Variants in ENAM observed in about 807,000 individuals in gnomAD.
The protein encoded by ENAM is enamelin.
Under a neutral mutation model 33.6 loss-of-function variants are expected in ENAM, and 21 were observed. The ratio of observed to expected loss-of-function variants is 0.63; its 90% confidence interval spans 0.44 to 0.90. The LOEUF is 0.90. ENAM is among the 40% of genes least tolerant of loss of function. The pLI is 0.00. For synonymous variants in ENAM, 473 were observed against 468.4 expected, an observed-to-expected ratio of 1.01 and a Z score of -0.13; for missense variants, 1,388 against 1,366.9, an observed-to-expected ratio of 1.02 and a Z score of -0.24.
chr4:70,642,463 A>C lies in ENAM; in HGVS notation c.1037A>C (p.Asn346Thr). The C allele has an allele frequency of 6.2e-7, 1 of 1,614,160 alleles. No individual in the cohort carries two copies. The highest frequency in any genetic ancestry group is 1.1e-5 in the South Asian group (1 of 91,070). Reference sequence around the variant, plus strand: ...GGTACTGTCATGGGGCACAGACAGAATAGGCCTTTTTACAGAAATCAACAA... The same window carrying C: ...GGTACTGTCATGGGGCACAGACAGACTAGGCCTTTTTACAGAAATCAACAA... Reference protein sequence around the residue: ...FTGTVMGHRQNRPFYRNQQVQ... With the variant: ...FTGTVMGHRQTRPFYRNQQVQ... Residue 346 changes from asparagine (N) to threonine (T), a missense_variant, in exon 9 of 9, where the codon AAT becomes ACT. Transcript: ENST00000396073.
intron 8 of ENAM, among the ~76,000 whole-genome samples, chr4:70,638,139 C>T (rs988357651): frequency 2.6e-5 from 4 of 151,948 alleles, no homozygotes; most frequent in Admixed American, 1.3e-4. Context: ...AAATTGAAGC[C>T]AAGAAAAGAT....
rs757415254 is a variant in ENAM, at chr4:70,643,664, C to T, written c.2238C>T (p.Tyr746=). 2.3e-5 allele frequency: 37 copies of T among 1,614,132 alleles called. No individual in the cohort carries two copies. In the South Asian group the frequency reaches 4.0e-4, roughly 17 times the overall value. The change falls in exon 9 of 9, where the codon TAC becomes TAT. Residue 746 remains tyrosine (Y), a synonymous_variant. Coordinates refer to ENST00000396073, the MANE Select transcript of ENAM (RefSeq NM_031889.3). The part of the protein sequence containing the change: ...TMPPPIESRG[Y]YVNNAAGPEE... ...CACCACCTATAGAGAGCAGGGGCTA[C>T]TACGTTAATAATGCCGCTGGACCAG...
chr4:70,633,516 A>G (rs1027323692), intron 5 of ENAM, among the ~76,000 whole-genome samples: 1 of 152,152 alleles, frequency 6.6e-6, no homozygotes, highest in African/African-American at 2.4e-5. Context: ...AATTTCATCA[A>G]TCCACAAAGC....
At chr4:70,629,582 T>G in intron 2 of ENAM, 28 bp downstream of exon 2, 1 of 1,522,830 alleles carries the variant, frequency 6.6e-7, no homozygotes, top group Non-Finnish European at 9.1e-7. Flanking sequence ...TTTTTGCCAA[T>G]ACATACAGGT....
Position 70,631,697 on chromosome 4 carries a change from C to T in ENAM, c.82C>T (p.Leu28=). The T allele has an allele frequency of 6.2e-7, 1 of 1,613,566 alleles. No homozygotes were observed. ...ACCAAAAGGCAAAATGAAGATTCTCCTGGTCTTTCTAGGGCTTCTTGGTAA... is the reference window on the plus strand; with the variant it reads ...ACCAAAAGGCAAAATGAAGATTCTCTTGGTCTTTCTAGGGCTTCTTGGTAA... The part of the protein sequence containing the change: ...LVPKGKMKIL[L]VFLGLLGNSV... Residue 28 remains leucine (L), a synonymous_variant, in exon 3 of 9, where the codon CTG becomes TTG. Transcript: ENST00000396073.
intron 5 of ENAM, among the ~76,000 whole-genome samples, chr4:70,634,086 T>G (rs1340233500): frequency 6.6e-6 from 1 of 152,144 alleles, no homozygotes; most frequent in Non-Finnish European, 1.5e-5. Context: ...TAATTCTGCC[T>G]TTTGGTTTGT....
At position 70,644,878 on chromosome 4, in the gene ENAM, T is replaced by C. The variant is rs1738718045; in HGVS notation, c.*23T>C. On this transcript the variant is annotated 3_prime_UTR_variant, in exon 9 of 9. Transcript: ENST00000396073. ...TAGGGGTTATCCAACCAAGCATTCT[T>C]GGGGAAAGAGAAATCACTGACATTC... 1 of 1,602,138 alleles carries C rather than the reference T, an allele frequency of 6.2e-7. No homozygotes were observed.
intron 8 of ENAM, 30 bp from the exon 9 acceptor site, chr4:70,641,984 CA>C (rs1560403616): frequency 6.6e-7 from 1 of 1,517,500 alleles, no homozygotes. Context: ...AAACAAAGGG[CA>C]ATTATTGATT....
intron 8 of ENAM, among the ~76,000 whole-genome samples, chr4:70,641,393 A>ATT (rs1301672853): frequency 7.1e-6 from 1 of 141,804 alleles, no homozygotes. Context: ...TTATTTATTT[A>ATT]TTTATTTTTT....
In ENAM at chr4:70,642,327, G is replaced by A. The variant is rs1738620385; in HGVS notation, c.901G>A (p.Gly301Arg). The A allele has an allele frequency of 6.2e-7, 1 of 1,614,010 alleles. No individual in the cohort carries two copies. Among genetic ancestry groups the A allele is most frequent in the African/African-American group, 1.3e-5 (1 of 74,884 alleles). The change falls in exon 9 of 9, where the codon GGA becomes AGA. Residue 301 changes from glycine (G) to arginine (R), a missense_variant. Physicochemically the swap from Gly to Arg is moderately radical, Grantham distance 125. Coordinates refer to ENST00000396073, the MANE Select transcript of ENAM (RefSeq NM_031889.3). ...PLPAVNASGQ[G>R]GPGSQIPWRP... ...CCCTGCAGTCAACGCTTCAGGCCAG[G>A]GAGGGCCAGGAAGTCAAATCCCATG...
At chr4:70,638,354 C>T (rs190068432) in intron 8 of ENAM, among the ~76,000 whole-genome samples, 1 of 152,050 alleles carries the variant, frequency 6.6e-6, no homozygotes, top group East Asian at 1.9e-4. Flanking sequence ...ACCCCACCCC[C>T]CTGGAGCTTA....
chr4:70,643,007 G>A lies in ENAM; in HGVS notation c.1581G>A (p.Met527Ile), dbSNP rs1738643097. Residue 527 changes from methionine to isoleucine, a missense_variant, in exon 9 of 9, where the codon ATG (methionine) becomes ATA (isoleucine). Coordinates refer to ENST00000396073, the MANE Select transcript of ENAM (RefSeq NM_031889.3). ...GGATTGTTTTAGGGTCAAGAAGGAT[G>A]CCATATGAATCAGAAACTAATCAGT... The part of the protein sequence containing the change: ...PKGIVLGSRR[M>I]PYESETNQSE... 1 of 1,613,972 alleles carries A rather than the reference G, an allele frequency of 6.2e-7. No homozygotes were observed. The highest frequency in any genetic ancestry group is 1.3e-5 in the African/African-American group (1 of 74,894).
intron 6 of ENAM, 109 bp downstream of exon 6, chr4:70,634,677 C>A (rs1306950238): frequency 1.8e-6 from 2 of 1,117,900 alleles, no homozygotes; most frequent in Non-Finnish European, 2.7e-6. Flanking sequence ...GTTGCAATAC[C>A]AATGTTTGTT....
intron 5 of ENAM, among the ~76,000 whole-genome samples, chr4:70,633,234 C>G (rs1186535365): frequency 1.3e-5 from 2 of 152,080 alleles, no homozygotes; most frequent in African/African-American, 4.8e-5. Context: ...CTACACATCA[C>G]TTTTGATTTC....
intron 5 of ENAM, among the ~76,000 whole-genome samples, chr4:70,633,626 T>A (rs1176993463): frequency 6.6e-6 from 1 of 152,232 alleles, no homozygotes; most frequent in Non-Finnish European, 1.5e-5. Context: ...TGAGAACTGA[T>A]GTTGCAAGAC....
intron 8 of ENAM, 86 bp from the exon 9 acceptor site, chr4:70,641,929 G>A: frequency 1.1e-6 from 1 of 917,672 alleles, no homozygotes; most frequent in Non-Finnish European, 1.8e-6. Flanking sequence ...TGGCTGATAA[G>A]ATTTCCCTGT....
In ENAM at chr4:70,642,054, G is replaced by A. The variant is rs1738610846; in HGVS notation, c.628G>A (p.Gly210Ser). 1 of 1,613,872 alleles carries A rather than the reference G, an allele frequency of 6.2e-7. No homozygotes were observed. Among genetic ancestry groups the A allele is most frequent in the East Asian group, 2.2e-5 (1 of 44,882 alleles). Residue 210 changes from glycine (G) to serine (S), a missense_variant, in exon 9 of 9, where the codon GGT becomes AGT. By Grantham distance (56) the Gly-to-Ser change is moderately conservative (BLOSUM62 0). Coordinates refer to ENST00000396073, the MANE Select transcript of ENAM (RefSeq NM_031889.3). ...ATATTTTGGATATCATGGCTTTGGG[G>A]GTCGCCCTCCTTATTATTCAGAAGA... ...FGYFGYHGFG[G>S]RPPYYSEEMF...
At chr4:70,637,730 A>T (rs1410546697) in intron 7 of ENAM, 60 bp from the exon 8 acceptor site, 2 of 1,311,812 alleles carry the variant, frequency 1.5e-6, no homozygotes, top group Non-Finnish European at 2.2e-6. Flanking sequence ...GAGTCTTACA[A>T]ACAAATGGCG....
In ENAM at chr4:70,644,181, A is replaced by T; in HGVS notation, c.2755A>T (p.Thr919Ser). ...TACAGACGGTAGTCATACCAAGCAGACAAGAGATATCATCTCCCCAACAAG... is the reference window on the plus strand; with the variant it reads ...TACAGACGGTAGTCATACCAAGCAGTCAAGAGATATCATCTCCCCAACAAG... Reference protein sequence around the residue: ...LYTDGSHTKQTRDIISPTSIL... With the variant: ...LYTDGSHTKQSRDIISPTSIL... The change falls in exon 9 of 9, where the codon ACA becomes TCA. Residue 919 changes from threonine (T) to serine (S), a missense_variant. Physicochemically the swap from Thr to Ser is moderately conservative, Grantham distance 58. Coordinates refer to ENST00000396073, the MANE Select transcript of ENAM (RefSeq NM_031889.3). 1.2e-6 allele frequency: 2 copies of T among 1,614,158 alleles called. No individual in the cohort carries two copies. The highest frequency in any genetic ancestry group is 2.2e-5 in the South Asian group (2 of 91,080).
Sources: allele counts gnomAD v4.1 joint callset (sites outside exome capture counted in the v4.1 genomes callset), GRCh38; gene constraint gnomAD v4.1.1; transcripts MANE v1.5; gene names NCBI Gene and HGNC (gene_info 2026-07-23, HGNC 2026-07-21).